DNAH6: variants seen among roughly 807,000 people sequenced by gnomAD.
DNAH6 encodes axonemal beta dynein heavy chain 6.
Under a neutral mutation model 491.4 loss-of-function variants are expected in DNAH6, and 340 were observed. The ratio of observed to expected loss-of-function variants is 0.69; its 90% CI spans 0.63 to 0.76. DNAH6 has a LOEUF of 0.76. Among genes scored for constraint, DNAH6 ranks in the 30% least tolerant of loss-of-function variants. DNAH6 has a pLI of 0.00. For missense variants in DNAH6, 4,443 were observed against 4,972.2 expected, an observed-to-expected ratio of 0.89 and a Z score of 3.20; for synonymous variants, 1,603 against 1,686.1, an observed-to-expected ratio of 0.95 and a Z score of 1.21.
In DNAH6 at chr2:84,698,550, G is replaced by A. The variant is rs147543615; in HGVS notation, c.7677+823G>A. On this transcript the variant is annotated intron_variant, in intron 47 of 76. Coordinates refer to ENST00000389394, the MANE Select transcript of DNAH6 (RefSeq NM_001370.2). ...CAGTCAGTGTGCCTCTGCATCAGCC[G>A]CCAGCTCCAGAGCCATGTGTCCTCC... is the stretch of plus-strand genomic sequence containing the variant. 7.3e-3 allele frequency among the ~76,000 whole-genome samples: 1,114 copies of A among 152,236 alleles called. 7 individuals are homozygous for A. Among genetic ancestry groups the A allele is most frequent in the Middle Eastern group, 0.014 (4 of 294 alleles).
At chr2:84,621,061 T>C in intron 24 of DNAH6, 130 bp from the exon 25 acceptor site, 1 of 874,950 alleles carries the variant, frequency 1.1e-6, no homozygotes, top group South Asian at 1.8e-5. Context: ...GGAATGTCAA[T>C]AGAAGTTTCA....
chr2:84,473,777 G>A, the DNAH6 span, among the ~76,000 whole-genome samples: 6 of 152,182 alleles, frequency 3.9e-5, no homozygotes, highest in Non-Finnish European at 8.8e-5. Flanking sequence ...GAAAGGGGTA[G>A]AAGTTTGGAT....
At chr2:84,578,898 G>A (rs1269539597) in intron 13 of DNAH6, among the ~76,000 whole-genome samples, 3 of 152,136 alleles carry the variant, frequency 2.0e-5, no homozygotes, top group Non-Finnish European at 2.9e-5. Context: ...TTTATAAATC[G>A]TGGTTTTTCC....
intron 16 of DNAH6, among the ~76,000 whole-genome samples, chr2:84,591,017 C>G (rs1033421069): frequency 6.6e-6 from 1 of 152,220 alleles, no homozygotes; most frequent in Non-Finnish European, 1.5e-5. Flanking sequence ...AAACCCCTGA[C>G]TCAGTGCAGA....
At chr2:84,817,867 A>G (rs1680642725) in intron 76 of DNAH6, among the ~76,000 whole-genome samples, 1 of 152,164 alleles carries the variant, frequency 6.6e-6, no homozygotes, top group Non-Finnish European at 1.5e-5. Flanking sequence ...AGCTCTCGCA[A>G]GAACTAATAA....
intron 42 of DNAH6, among the ~76,000 whole-genome samples, chr2:84,682,732 G>A (rs1407871647): frequency 6.6e-6 from 1 of 152,118 alleles, no homozygotes; most frequent in Non-Finnish European, 1.5e-5. Flanking sequence ...TTTATTTTCA[G>A]AATATATCCC....
At position 84,634,497 on chromosome 2, in the gene DNAH6, A is replaced by G. The variant is rs945485942; in HGVS notation, c.4516-7A>G. Reference sequence around the variant, plus strand: ...TACAAAGTTGAACTGCTTTATTTTGATTTCAGATGATGGGGCGCTTCTTCA... The same window carrying G: ...TACAAAGTTGAACTGCTTTATTTTGGTTTCAGATGATGGGGCGCTTCTTCA... On this transcript the variant is annotated splice_region_variant and splice_polypyrimidine_tract_variant and intron_variant, in intron 29 of 76. Transcript: ENST00000389394. The G allele has an allele frequency of 3.3e-6, 5 of 1,530,628 alleles. No homozygotes were observed. The highest frequency in any genetic ancestry group is 4.4e-6 in the Non-Finnish European group (5 of 1,139,652). The allele number at this position is 1,530,628 out of a possible 1,614,324, so 94.8% of individuals were successfully genotyped here.
chr2:84,648,240 A>G (rs2104538379), intron 33 of DNAH6, among the ~76,000 whole-genome samples: 1 of 152,356 alleles, frequency 6.6e-6, no homozygotes, highest in South Asian at 2.1e-4. Flanking sequence ...ATTGGCAATG[A>G]ACCTGGTCAC....
At chr2:84,804,179 C>G (rs1469312990) in intron 70 of DNAH6, among the ~76,000 whole-genome samples, 1 of 147,570 alleles carries the variant, frequency 6.8e-6, no homozygotes, top group Non-Finnish European at 1.5e-5. Flanking sequence ...GCACTCCAGC[C>G]TGGGCAACAG....
Position 84,595,673 on chromosome 2 carries a change from G to A in DNAH6, c.2752G>A (p.Val918Ile). The change falls in exon 18 of 77, where the codon GTC (valine) becomes ATC (isoleucine). Residue 918 changes from valine to isoleucine, a missense_variant. By Grantham distance (29) the Val-to-Ile change is conservative. Around this residue, in one of 3 missense-constraint regions of DNAH6, gnomAD observed 2,977 missense variants for 3,296.6 expected, o/e 0.90. Coordinates refer to ENST00000389394, the MANE Select transcript of DNAH6 (RefSeq NM_001370.2). ...CAAATTTGATTGCCTGGATCCAGAA[G>A]TCCTAAACGGTCAAGTTTCTAAATA... ...KSKFDCLDPE[V>I]LNGQVSKYAK... 3 of 1,549,854 alleles carry A rather than the reference G, an allele frequency of 1.9e-6. No individual in the cohort carries two copies. The highest frequency in any genetic ancestry group is 2.6e-6 in the Non-Finnish European group (3 of 1,146,288).
rs879074438 is a variant in DNAH6 at position 84,669,280 on chromosome 2, G to T, written c.6085-9G>T. On this transcript the variant is annotated splice_polypyrimidine_tract_variant and intron_variant, in intron 37 of 76. Transcript: ENST00000389394. The stretch of plus-strand genomic sequence containing the variant: ...CCTATTGAAAGTGGTGTTTAATTTT[G>T]TACTTTAGCTTCCCAATTCTGGTGA... 1.3e-6 allele frequency: 2 copies of T among 1,545,888 alleles called. No homozygotes were observed. Among genetic ancestry groups the T allele is most frequent in the Non-Finnish European group, 1.8e-6 (2 of 1,141,846 alleles).
chr2:84,692,591 T>G (rs949981138), intron 45 of DNAH6, among the ~76,000 whole-genome samples: 28 of 152,310 alleles, frequency 1.8e-4, no homozygotes, highest in Admixed American at 1.1e-3. Flanking sequence ...AGTTTTAAAT[T>G]ATGTTTATAT....
rs113054580 is a variant in DNAH6, at chr2:84,583,662, C to A, written c.2230-337C>A. The stretch of plus-strand genomic sequence containing the variant: ...AATCATGGGGGTGGTTTCCCCCATA[C>A]TGTTCTCATGCTAGTGAATAAGTCT... On this transcript the variant is annotated intron_variant, in intron 14 of 76. Coordinates refer to ENST00000389394, the MANE Select transcript of DNAH6 (RefSeq NM_001370.2). Among the ~76,000 whole-genome samples the A allele has an allele frequency of 7.6e-3, 1,155 of 152,294 alleles. 12 individuals are homozygous for A. Among genetic ancestry groups the A allele is most frequent in the African/African-American group, 0.025 (1,058 of 41,560 alleles).
At chr2:84,626,837 A>C (rs1361698430) in intron 29 of DNAH6, among the ~76,000 whole-genome samples, 1 of 152,012 alleles carries the variant, frequency 6.6e-6, no homozygotes, top group African/African-American at 2.4e-5. Context: ...TGAACTCCTG[A>C]CCTCGTGATC....
intron 39 of DNAH6, among the ~76,000 whole-genome samples, chr2:84,671,109 A>G (rs1365280642): frequency 6.6e-6 from 1 of 152,018 alleles, no homozygotes; most frequent in Non-Finnish European, 1.5e-5. Context: ...AGGAGGCTGG[A>G]GTATGCAGGG....
the DNAH6 span, among the ~76,000 whole-genome samples, chr2:84,490,028 A>G: frequency 6.6e-6 from 1 of 152,158 alleles, no homozygotes; most frequent in South Asian, 2.1e-4. Context: ...GCCCCAGTGA[A>G]GACCAATACC....
chr2:84,619,813 C>T lies in DNAH6; in HGVS notation c.3701C>T (p.Pro1234Leu). The T allele has an allele frequency of 6.4e-7, 1 of 1,551,528 alleles. No homozygotes were observed. ...AAGCTCGAATTTGCTCTCATGCCTC[C>T]TGCCGAAGGAAAGATTCCTGGTATT... is the stretch of plus-strand genomic sequence containing the variant. ...ISKLEFALMP[P>L]AEGKIPGIDG... Residue 1234 changes from proline to leucine, a missense_variant, in exon 24 of 77, where the codon CCT becomes CTT. Coordinates refer to ENST00000389394, the MANE Select transcript of DNAH6 (RefSeq NM_001370.2).
intron 76 of DNAH6, among the ~76,000 whole-genome samples, chr2:84,816,634 A>G (rs1680514000): frequency 6.6e-6 from 1 of 152,162 alleles, no homozygotes; most frequent in Non-Finnish European, 1.5e-5. Flanking sequence ...GAGGCAGGAG[A>G]ATCACTTGAA....
At chr2:84,795,633 G>C (rs1402149922) in intron 68 of DNAH6, among the ~76,000 whole-genome samples, 12 of 152,188 alleles carry the variant, frequency 7.9e-5, no homozygotes. Context: ...GTGGTGAATG[G>C]TGAATTGTAG....
Sources: gnomAD v4.1 joint callset for allele counts (sites outside exome capture counted in the v4.1 genomes callset) on GRCh38, gnomAD v4.1.1 for gene constraint, gnomAD v4.1.1 regional missense constraint, MANE v1.5 for transcripts, NCBI Gene and HGNC (gene_info 2026-07-23, HGNC 2026-07-21) for gene names.